Variants in FAM227A observed in about 807,000 individuals in gnomAD.
FAM227A encodes protein FAM227A.
In FAM227A, 80 loss-of-function variants were observed where a neutral mutation model predicts 74.7. That is an observed-to-expected ratio of 1.07 (90% CI 0.89 to 1.29). FAM227A has a LOEUF of 1.29. FAM227A is among the 50% of genes most tolerant of loss of function. The probability of loss-of-function intolerance (pLI) is 0.00; values close to 1 mark genes in which losing one functional copy is unlikely to be tolerated. For synonymous variants in FAM227A, 237 were observed against 241.8 expected (o/e 0.98, Z 0.19); for missense variants, 654 against 683.4 (o/e 0.96, Z 0.48).
Position 38,620,195 on chromosome 22 carries a change from C to T in FAM227A, c.1038+17G>A, listed in dbSNP as rs771917971. ...ATGGGACTCCAAAGGGGTCCTGGTC[C>T]GTGCCTCCCCACTTACCTGAGGGTG... On this transcript the variant is annotated intron_variant, in intron 11 of 16. Transcript: ENST00000535113. 4.6e-5 allele frequency: 71 copies of T among 1,542,836 alleles called. No individual in the cohort carries two copies. The highest frequency in any genetic ancestry group is 2.5e-4 in the African/African-American group (18 of 72,816).
intron 15 of FAM227A, among the ~76,000 whole-genome samples, chr22:38,593,437 G>A (rs1475459352): frequency 6.6e-6 from 1 of 152,164 alleles, no homozygotes; most frequent in Non-Finnish European, 1.5e-5. Context: ...CCCAGGAGGC[G>A]GAGCTTGCAG....
chr22:38,636,772 T>A (rs2092015746), intron 5 of FAM227A, among the ~76,000 whole-genome samples, 175 bp from the exon 6 acceptor site: 1 of 61,776 alleles, frequency 1.6e-5, no homozygotes, highest in East Asian at 6.7e-4. Flanking sequence ...CATTATTTCT[T>A]TTTTTTTTTT....
chr22:38,631,336 T>C (rs1222637377), intron 6 of FAM227A, among the ~76,000 whole-genome samples: 1 of 151,850 alleles, frequency 6.6e-6, no homozygotes, highest in Admixed American at 6.6e-5. Flanking sequence ...AGCTGAACAC[T>C]GGGTACGCGT....
chr22:38,645,872 C>A (rs976233503), intron 2 of FAM227A, among the ~76,000 whole-genome samples: 15 of 152,050 alleles, frequency 9.9e-5, no homozygotes, highest in African/African-American at 3.6e-4. Flanking sequence ...TGCAGCAGAC[C>A]TCCCGGGCTC....
chr22:38,628,463 C>A, intron 7 of FAM227A, 121 bp from the exon 8 acceptor site: 1 of 683,508 alleles, frequency 1.5e-6, no homozygotes, highest in Non-Finnish European at 2.6e-6. Context: ...AGATATTTAG[C>A]CTCATATGCT....
chr22:38,602,437 G>A (rs1402765668), intron 13 of FAM227A, among the ~76,000 whole-genome samples: 2 of 152,190 alleles, frequency 1.3e-5, no homozygotes, highest in Non-Finnish European at 2.9e-5. Flanking sequence ...GGAGTTAGCA[G>A]GGAATTTATA....
In FAM227A at chr22:38,641,071, T is replaced by C. The variant is rs373137714; in HGVS notation, c.226-1347A>G. 6.6e-5 allele frequency among the ~76,000 whole-genome samples: 10 copies of C among 152,242 alleles called. No individual in the cohort carries two copies. In the South Asian group the frequency reaches 2.1e-3, roughly 32 times the overall value. On this transcript the variant is annotated intron_variant, in intron 3 of 16. Transcript: ENST00000535113. ...TATCTCTGATCTTTACCAATGTCAT[T>C]ATAGCAGACACTGTATGGCCTGGAA...
chr22:38,623,630 G>A (rs2091738542), intron 9 of FAM227A, among the ~76,000 whole-genome samples: 1 of 152,130 alleles, frequency 6.6e-6, no homozygotes, highest in South Asian at 2.1e-4. Flanking sequence ...TGTCAGCTGG[G>A]TGTAAGGGTC....
chr22:38,597,506 G>C, intron 14 of FAM227A, 150 bp from the exon 15 acceptor site: 1 of 792,940 alleles, frequency 1.3e-6, no homozygotes, highest in South Asian at 1.5e-5. Flanking sequence ...CCTGAAATCT[G>C]AGCAAGAGAT....
At chr22:38,634,801 C>CACTG (rs1246148156) in intron 6 of FAM227A, among the ~76,000 whole-genome samples, 4 of 152,200 alleles carry the variant, frequency 2.6e-5, no homozygotes, top group African/African-American at 9.6e-5. Context: ...GCGCCCCTTC[C>CACTG]ACTGACTGAC....
Position 38,585,734 on chromosome 22 carries a change from C to A in FAM227A, c.*391G>T. On this transcript the variant is annotated 3_prime_UTR_variant, in exon 17 of 17. Transcript: ENST00000535113. Reference sequence around the variant, plus strand: ...CTGTGTCTTATCTACTGTTAATTACCCAGTGTCTACAGCAGAGAACTTCGG... The same window carrying A: ...CTGTGTCTTATCTACTGTTAATTACACAGTGTCTACAGCAGAGAACTTCGG... 3.7e-6 allele frequency: 1 copy of A among 267,116 alleles called. No homozygotes were observed. Among genetic ancestry groups the A allele is most frequent in the East Asian group, 7.1e-5 (1 of 14,066 alleles). 16.5% of individuals were successfully genotyped at this position (267,116 alleles called of 1,614,324 possible).
chr22:38,594,889 G>A (rs745520236), intron 15 of FAM227A, among the ~76,000 whole-genome samples: 6 of 152,104 alleles, frequency 3.9e-5, no homozygotes, highest in Non-Finnish European at 7.4e-5. Context: ...ACGAGGTCAG[G>A]GGATCGAGAC....
At chr22:38,616,983 TGACTGCTTGTGATTTCTCAGTG>T (rs2091591295) in intron 11 of FAM227A, among the ~76,000 whole-genome samples, 1 of 151,888 alleles carries the variant, frequency 6.6e-6, no homozygotes, top group African/African-American at 2.4e-5. Context: ...GCCTTCCTGC[TGACTGCTTGTGATTTCTCAGTG>T]AAGACCTTCC....
At chr22:38,645,511 G>C in intron 3 of FAM227A, 52 bp downstream of exon 3, 2 of 1,251,634 alleles carry the variant, frequency 1.6e-6, no homozygotes, top group Non-Finnish European at 2.3e-6. Context: ...GATGATCCCC[G>C]GGGCCCTTCC....
chr22:38,606,921 G>C (rs2091295717), intron 12 of FAM227A, among the ~76,000 whole-genome samples: 1 of 152,184 alleles, frequency 6.6e-6, no homozygotes, highest in Admixed American at 6.6e-5. Context: ...GCTCACGCCT[G>C]TCATCCCAGC....
At chr22:38,602,295 A>G (rs868488118) in intron 13 of FAM227A, among the ~76,000 whole-genome samples, 3 of 152,132 alleles carry the variant, frequency 2.0e-5, no homozygotes, top group Admixed American at 6.5e-5. Flanking sequence ...GCCTCCCCCA[A>G]TGTCCCCCTG....
chr22:38,637,572 G>A (rs566615543), intron 5 of FAM227A, among the ~76,000 whole-genome samples: 125 of 152,324 alleles, frequency 8.2e-4, no homozygotes, highest in Middle Eastern at 3.4e-3. Flanking sequence ...CTTCCTAACT[G>A]GGCTCTGGCC....
chr22:38,586,436 G>A lies in FAM227A; in HGVS notation c.1639-237C>T, dbSNP rs192657684. 2.6e-5 allele frequency among the ~76,000 whole-genome samples: 4 copies of A among 152,168 alleles called. No homozygotes were observed. In the East Asian group the frequency reaches 7.7e-4, roughly 29 times the overall value. ...CCAGTACTGACAGGAACACTGCTGT[G>A]TCGGATCTGAACTGGGCCCCAAAAA... is the stretch of plus-strand genomic sequence containing the variant. On this transcript the variant is annotated intron_variant, in intron 16 of 16. Transcript: ENST00000535113.
chr22:38,605,293 T>C lies in FAM227A; in HGVS notation c.1182A>G (p.Ile394Met). The change falls in exon 13 of 17, where the codon ATA becomes ATG. Residue 394 changes from isoleucine to methionine, a missense_variant. Physicochemically the swap from Ile to Met is conservative, Grantham distance 10. Transcript: ENST00000535113. Reference protein sequence around the residue: ...LKKPTQEVKRISEARECENMF... With the variant: ...LKKPTQEVKRMSEARECENMF... Reference sequence around the variant, plus strand: ...TATTCTCACATTCTCTTGCTTCTGATATCCTCTTGACTTCTTGCGTAGGTT... The same window carrying C: ...TATTCTCACATTCTCTTGCTTCTGACATCCTCTTGACTTCTTGCGTAGGTT... 1.3e-6 allele frequency: 2 copies of C among 1,551,234 alleles called. No individual in the cohort carries two copies. Among genetic ancestry groups the C allele is most frequent in the Admixed American group, 2.0e-5 (1 of 51,006 alleles).
Sources: gnomAD v4.1 joint callset for allele counts (sites outside exome capture counted in the v4.1 genomes callset) on GRCh38, gnomAD v4.1.1 for gene constraint, MANE v1.5 for transcripts, NCBI Gene and HGNC (gene_info 2026-07-23, HGNC 2026-07-21) for gene names.